Variants in DTNB observed in about 807,000 individuals in gnomAD.
DTNB encodes the protein DTN-B.
A neutral mutation model predicts 90.7 loss-of-function variants in DTNB; 63 were observed. The ratio of observed to expected loss-of-function variants is 0.69; its 90% CI spans 0.57 to 0.86. DTNB has a LOEUF of 0.86. Among genes scored for constraint, DTNB ranks in the 40% least tolerant of loss-of-function variants. The pLI, the probability that DTNB is intolerant of heterozygous loss-of-function variation, is 0.00. For synonymous variants in DTNB, 277 were observed against 286.7 expected (o/e 0.97, Z 0.34); for missense variants, 744 against 807.1 (o/e 0.92, Z 0.95).
intron 8 of DTNB, among the ~76,000 whole-genome samples, chr2:25,534,453 TCC>T (rs2078938974): frequency 6.6e-6 from 1 of 151,552 alleles, no homozygotes; most frequent in Non-Finnish European, 1.5e-5. Context: ...TCCCCACATT[TCC>T]CCCTTTTCTT....
intron 4 of DTNB, among the ~76,000 whole-genome samples, chr2:25,624,012 C>T (rs556535811): frequency 1.8e-4 from 27 of 152,282 alleles, no homozygotes; most frequent in Admixed American, 2.6e-4. Context: ...TTAACATCAA[C>T]ACAGACCTTA....
intron 1 of DTNB, among the ~76,000 whole-genome samples, chr2:25,668,537 A>G (rs1051260095): frequency 2.6e-5 from 4 of 152,256 alleles, no homozygotes; most frequent in Admixed American, 6.5e-5. Flanking sequence ...AGAACTATAC[A>G]ATACAAAGAG....
intron 8 of DTNB, among the ~76,000 whole-genome samples, chr2:25,566,427 G>A (rs1192489579): frequency 6.6e-6 from 1 of 152,146 alleles, no homozygotes; most frequent in Non-Finnish European, 1.5e-5. Flanking sequence ...TTACAAAAAC[G>A]GAGACAATAA....
intron 1 of DTNB, among the ~76,000 whole-genome samples, chr2:25,664,222 G>A (rs11689092): frequency 0.28 from 42,579 of 151,876 alleles, 6,899 homozygotes; most frequent in Non-Finnish European, 0.38. Context: ...TTTATATTAT[G>A]CATTTGACTG....
rs148785895 is a variant in DTNB, at chr2:25,651,685, G to A, written c.67+909C>T. Among the ~76,000 whole-genome samples, 5 of 152,262 alleles carry A rather than the reference G, an allele frequency of 3.3e-5. No homozygotes were observed. In the East Asian group the frequency reaches 9.6e-4, roughly 29 times the overall value. On this transcript the variant is annotated intron_variant, in intron 2 of 20. Transcript: ENST00000406818. The stretch of plus-strand genomic sequence containing the variant: ...GCTTACCATTACCAAGACCCTAAAG[G>A]TGTCAAATATGTCGAGAGTTGGGTC...
At chr2:25,636,549 C>T (rs745586691) in intron 3 of DTNB, among the ~76,000 whole-genome samples, 1 of 152,016 alleles carries the variant, frequency 6.6e-6, no homozygotes, top group African/African-American at 2.4e-5. Flanking sequence ...TTTTTGACCA[C>T]GAGCACAGAA....
At chr2:25,468,613 C>T (rs2062221545) in intron 10 of DTNB, among the ~76,000 whole-genome samples, 1 of 152,054 alleles carries the variant, frequency 6.6e-6, no homozygotes, top group Admixed American at 6.6e-5. Context: ...AAGAAATAAG[C>T]CAGGAGTAAC....
At chr2:25,672,941 T>C (rs547222812) in intron 1 of DTNB, 1 of 152,770 alleles carries the variant, frequency 6.5e-6, no homozygotes, top group African/African-American at 2.4e-5. Flanking sequence ...TGATTTGGGG[T>C]GATCTGAAAT....
chr2:25,556,943 A>C (rs900021964), intron 8 of DTNB, among the ~76,000 whole-genome samples: 1 of 152,256 alleles, frequency 6.6e-6, no homozygotes. Context: ...GACCAAAGAC[A>C]TAACTGTAAA....
intron 11 of DTNB, among the ~76,000 whole-genome samples, chr2:25,455,039 A>T (rs2059802480): frequency 6.6e-6 from 1 of 152,186 alleles, no homozygotes; most frequent in Admixed American, 6.5e-5. Context: ...CTAAACTTGG[A>T]ATGTCAATAG....
intron 16 of DTNB, among the ~76,000 whole-genome samples, chr2:25,395,748 C>G (rs2042212246): frequency 6.6e-6 from 1 of 151,948 alleles, no homozygotes; most frequent in Non-Finnish European, 1.5e-5. Context: ...TTCCAGTGAG[C>G]AAGGAAGCTA....
At chr2:25,523,424 G>A (rs1371932708) in intron 9 of DTNB, among the ~76,000 whole-genome samples, 1 of 152,172 alleles carries the variant, frequency 6.6e-6, no homozygotes, top group African/African-American at 2.4e-5. Context: ...CAGATTGCTT[G>A]AGGTCAGGAG....
At chr2:25,586,656 T>C (rs2062489339) in intron 6 of DTNB, among the ~76,000 whole-genome samples, 1 of 151,880 alleles carries the variant, frequency 6.6e-6, no homozygotes, top group Non-Finnish European at 1.5e-5. Flanking sequence ...GAGCTGTAGG[T>C]AACATGTCAT....
intron 8 of DTNB, among the ~76,000 whole-genome samples, chr2:25,544,383 A>G (rs2082002045): frequency 6.6e-6 from 1 of 152,248 alleles, no homozygotes. Flanking sequence ...TTCCTTGCAC[A>G]GCACAATCTT....
rs1002315306 is a variant in DTNB at position 25,632,707 on chromosome 2, C to T, written c.149-4323G>A. ...GCAAGATGGTTTTCAACATATATGG[C>T]CCCTCAATCTTAGACTTCCCAGCCT... On this transcript the variant is annotated intron_variant, in intron 3 of 20. Coordinates refer to ENST00000406818, the MANE Select transcript of DTNB (RefSeq NM_021907.5). Among the ~76,000 whole-genome samples, 3 of 146,476 alleles carry T rather than the reference C, an allele frequency of 2.0e-5. No individual in the cohort carries two copies. The Admixed American group carries it at 2.1e-4, about 10-fold the overall frequency.
intron 8 of DTNB, among the ~76,000 whole-genome samples, chr2:25,556,492 A>G (rs1462542758): frequency 6.6e-6 from 1 of 152,230 alleles, no homozygotes; most frequent in Non-Finnish European, 1.5e-5. Context: ...AAACTGGAAC[A>G]AGTGGAAAAT....
At chr2:25,628,441 C>A (rs2074939858) in intron 3 of DTNB, 57 bp from the exon 4 acceptor site, 3 of 1,476,226 alleles carry the variant, frequency 2.0e-6, no homozygotes, top group Non-Finnish European at 2.8e-6. Context: ...CTACCCTTCA[C>A]AATAGGAATC....
chr2:25,663,976 AC>A (rs2083797492), intron 1 of DTNB, among the ~76,000 whole-genome samples: 1 of 152,240 alleles, frequency 6.6e-6, no homozygotes, highest in Non-Finnish European at 1.5e-5. Flanking sequence ...ATTTTAAGGT[AC>A]TGGATTATGA....
intron 19 of DTNB, chr2:25,383,612 TATCCCAGG>T: frequency 1.2e-6 from 1 of 858,872 alleles, no homozygotes; most frequent in Non-Finnish European, 1.7e-6. Flanking sequence ...CCCAACTACC[TATCCCAGG>T]ATCAGGAAAT....
Sources: gnomAD v4.1 joint callset for allele counts (sites outside exome capture counted in the v4.1 genomes callset) on GRCh38, gnomAD v4.1.1 for gene constraint, MANE v1.5 for transcripts, NCBI Gene and HGNC (gene_info 2026-07-23, HGNC 2026-07-21) for gene names.